PLPP2: variants seen among roughly 807,000 people sequenced by gnomAD.
The protein encoded by PLPP2 is PAP2-gamma.
In PLPP2, 29 loss-of-function variants were observed where a neutral mutation model predicts 35.2. That is an observed-to-expected ratio of 0.82 (90% CI 0.61 to 1.12). PLPP2 has a LOEUF of 1.12. PLPP2 is among the 50% of genes most tolerant of loss of function. The pLI, the probability that PLPP2 is intolerant of heterozygous loss-of-function variation, is 0.00. For synonymous variants in PLPP2, 162 were observed against 167.0 expected, an observed-to-expected ratio of 0.97 and a Z score of 0.23; for missense variants, 353 against 375.2, an observed-to-expected ratio of 0.94 and a Z score of 0.49.
intron 1 of PLPP2, among the ~76,000 whole-genome samples, chr19:288,829 G>A (rs932714116): frequency 6.6e-6 from 1 of 152,168 alleles, no homozygotes; most frequent in African/African-American, 2.4e-5. Context: ...CGTATTCAGG[G>A]CAGAGTCCCT....
At chr19:291,206 C>A (rs572768179) in intron 1 of PLPP2, 79 bp downstream of exon 1, 1 of 1,588,532 alleles carries the variant, frequency 6.3e-7, no homozygotes, top group Admixed American at 1.7e-5. Context: ...CTCCGCGTTC[C>A]CCTGCAAACT....
At chr19:286,623 T>C (rs1970274927) in intron 3 of PLPP2, 1 of 151,836 alleles carries the variant, frequency 6.6e-6, no homozygotes, top group Non-Finnish European at 1.5e-5. Context: ...AATGCCTTAA[T>C]TCAATAAAAA....
Position 281,397 on chromosome 19 carries a change from G to A in PLPP2, c.858C>T (p.Ser286=), listed in dbSNP as rs1203810234. The A allele has an allele frequency of 5.6e-6, 8 of 1,417,040 alleles. No individual in the cohort carries two copies. Among genetic ancestry groups the A allele is most frequent in the South Asian group, 5.1e-5 (3 of 58,358 alleles). The allele number at this position is 1,417,040 out of a possible 1,614,324, so 87.8% of individuals were successfully genotyped here. A position where few individuals can be genotyped will look rare whatever the true frequency, so the allele number is the denominator to read the frequency against. Residue 286 remains serine, a synonymous_variant, in exon 6 of 6, where the codon TCC becomes TCT. Transcript: ENST00000434325. ...TGGGCGGGGTCCGGCCTCAGGAGGA[G>A]GAGTGCGGGTATCCATAGTGGTTGT... ...ADHNHYGYPH[S]SS
At chr19:291,012 G>A (rs1970379366) in intron 1 of PLPP2, 1 of 1,279,310 alleles carries the variant, frequency 7.8e-7, no homozygotes, top group African/African-American at 1.5e-5. Context: ...CAGACTTCCT[G>A]CTGCCGGGGC....
At chr19:283,575 A>C (rs932552513) in intron 3 of PLPP2, 2 of 152,294 alleles carry the variant, frequency 1.3e-5, no homozygotes, top group African/African-American at 4.8e-5. Context: ...ACAGCAGATG[A>C]GGCAAACAAC....
intron 5 of PLPP2, 180 bp downstream of exon 5, chr19:281,954 G>T (rs1273674429): frequency 7.3e-6 from 5 of 680,546 alleles, no homozygotes; most frequent in South Asian, 7.3e-5. Context: ...GGGGAGGACT[G>T]GGGGGAAGGA....
chr19:282,442 T>C, intron 4 of PLPP2, 132 bp from the exon 5 acceptor site: 2 of 514,938 alleles, frequency 3.9e-6, no homozygotes, highest in Non-Finnish European at 6.5e-6. Context: ...CCTGTGCACC[T>C]GCCAGGCGCT....
chr19:286,327 G>C (rs1970271341), intron 3 of PLPP2: 1 of 151,768 alleles, frequency 6.6e-6, no homozygotes, highest in Admixed American at 6.6e-5. Context: ...TTAAAAACCA[G>C]CTGGATTTGG....
chr19:288,980 G>A (rs1012642898), intron 1 of PLPP2, among the ~76,000 whole-genome samples: 13 of 152,324 alleles, frequency 8.5e-5, no homozygotes, highest in African/African-American at 1.4e-4. Flanking sequence ...CTTCGCTCAC[G>A]CACTTGCCCC....
In PLPP2 at chr19:281,351, G is replaced by T. The variant is rs1207948398; in HGVS notation, c.*37C>A. 4 of 1,375,044 alleles carry T rather than the reference G, an allele frequency of 2.9e-6. No homozygotes were observed. Among genetic ancestry groups the T allele is most frequent in the Non-Finnish European group, 3.8e-6 (4 of 1,056,650 alleles). The allele number at this position is 1,375,044 out of a possible 1,614,324, so 85.2% of individuals were successfully genotyped here. On this transcript the variant is annotated 3_prime_UTR_variant, in exon 6 of 6. Coordinates refer to ENST00000434325, the MANE Select transcript of PLPP2 (RefSeq NM_003712.4). Reference sequence around the variant, plus strand: ...GGACCACCTGGGTGGGCCTCAGCTGGACTCACAGCAGCTCCCTGCCTGGGC... The same window carrying T: ...GGACCACCTGGGTGGGCCTCAGCTGTACTCACAGCAGCTCCCTGCCTGGGC...
intron 3 of PLPP2, chr19:284,030 A>G (rs190223042): frequency 1.3e-5 from 2 of 152,320 alleles, no homozygotes; most frequent in South Asian, 2.1e-4. Context: ...GAGTTGCTAC[A>G]TTATAATATT....
chr19:285,521 C>A (rs1414556169), intron 3 of PLPP2: 1 of 150,804 alleles, frequency 6.6e-6, no homozygotes, highest in African/African-American at 2.4e-5. Context: ...ATTGCTTAAA[C>A]CGAGGAGGCA....
Position 289,294 on chromosome 19 carries a change from G to C in PLPP2, c.53-1123C>G, listed in dbSNP as rs576405271. ...TTCTGAATGTCAGCGGAGGGGCAGG[G>C]AGCCCCACACTCCTCCCGACATGCT... On this transcript the variant is annotated intron_variant, in intron 1 of 5. Coordinates refer to ENST00000434325, the MANE Select transcript of PLPP2 (RefSeq NM_003712.4). 9.6e-4 allele frequency among the ~76,000 whole-genome samples: 146 copies of C among 152,312 alleles called. 1 individual carries two copies. The highest frequency in any genetic ancestry group is 1.7e-3 in the Non-Finnish European group (119 of 68,028).
At chr19:288,418 C>A in intron 1 of PLPP2, 1 of 376,410 alleles carries the variant, frequency 2.7e-6, no homozygotes, top group Non-Finnish European at 4.7e-6. Flanking sequence ...TCAGCAAACA[C>A]CCACCTTTGC....
chr19:288,929 A>G lies in PLPP2; in HGVS notation c.53-758T>C, dbSNP rs148132913. Among the ~76,000 whole-genome samples, 637 of 152,354 alleles carry G rather than the reference A, an allele frequency of 4.2e-3. 2 individuals carry two copies. Among genetic ancestry groups the G allele is most frequent in the Non-Finnish European group, 6.6e-3 (451 of 68,034 alleles). ...TTCTTTTAACCTAAGAGCAGGCCAG[A>G]GAAGTCAGGAAGAAGCCAAGGAAGG... On this transcript the variant is annotated intron_variant, in intron 1 of 5. Coordinates refer to ENST00000434325, the MANE Select transcript of PLPP2 (RefSeq NM_003712.4).
In PLPP2 at chr19:281,389, CAGG is replaced by C; in HGVS notation, c.863_865del (p.Ser288del). On this transcript the variant is annotated inframe_deletion, in exon 6 of 6. Coordinates refer to ENST00000434325, the MANE Select transcript of PLPP2 (RefSeq NM_003712.4). ...TCCCTGCCTGGGCGGGGTCCGGCCTCAGGAGGAGGAGTGCGGGTATCCATAGTG... is the reference window on the plus strand; with the variant it reads ...TCCCTGCCTGGGCGGGGTCCGGCCTCAGGAGGAGTGCGGGTATCCATAGTG... The C allele has an allele frequency of 8.6e-6, 12 of 1,402,204 alleles. No homozygotes were observed. Among genetic ancestry groups the C allele is most frequent in the Non-Finnish European group, 1.1e-5 (12 of 1,069,498 alleles). The allele number at this position is 1,402,204 out of a possible 1,614,324, so 86.9% of individuals were successfully genotyped here.
intron 3 of PLPP2, chr19:283,313 C>G (rs1970214350): frequency 6.4e-6 from 1 of 155,822 alleles, no homozygotes; most frequent in Non-Finnish European, 1.4e-5. Flanking sequence ...CAAGATAAAC[C>G]AGCTGAATCT....
At chr19:281,825 G>A (rs894469363) in intron 5 of PLPP2, among the ~76,000 whole-genome samples, 6 of 146,220 alleles carry the variant, frequency 4.1e-5, no homozygotes, top group Admixed American at 4.1e-4. Context: ...GGGGAGGAAT[G>A]GGGGCATGGA....
Position 291,078 on chromosome 19 carries a change from T to C in PLPP2, c.52+207A>G, listed in dbSNP as rs904381317. On this transcript the variant is annotated intron_variant, in intron 1 of 5. Coordinates refer to ENST00000434325, the MANE Select transcript of PLPP2 (RefSeq NM_003712.4). The stretch of plus-strand genomic sequence containing the variant: ...CTCGCGACCCCCATCCCCCTGGGCC[T>C]GGGACGCGGGGACCCCCGAGCCTGG... 8 of 1,332,122 alleles carry C rather than the reference T, an allele frequency of 6.0e-6. No homozygotes were observed. The African/African-American group carries it at 9.3e-5, about 15-fold the overall frequency. The allele number at this position is 1,332,122 out of a possible 1,614,324, so 82.5% of individuals were successfully genotyped here. A position where few individuals can be genotyped will look rare whatever the true frequency, so the allele number is the denominator to read the frequency against.
Sources: allele counts gnomAD v4.1 joint callset (sites outside exome capture counted in the v4.1 genomes callset), GRCh38; gene constraint gnomAD v4.1.1; transcripts MANE v1.5; gene names NCBI Gene and HGNC (gene_info 2026-07-23, HGNC 2026-07-21).